Variants in PCDHGB3 observed in about 807,000 individuals in gnomAD.
PCDHGB3 encodes protocadherin gamma subfamily B, 3.
In PCDHGB3, 40 loss-of-function variants were observed where a neutral mutation model predicts 59.2. That is an observed-to-expected ratio of 0.68 (90% CI 0.52 to 0.88). The LOEUF (loss-of-function observed/expected upper bound fraction) is 0.88. PCDHGB3 is among the 40% of genes least tolerant of loss of function. The probability of loss-of-function intolerance (pLI) is 0.00; values close to 1 mark genes in which losing one functional copy is unlikely to be tolerated. For missense variants in PCDHGB3, 1,309 were observed against 1,187.9 expected, an observed-to-expected ratio of 1.10 and a Z score of -1.50; for synonymous variants, 581 against 503.6, an observed-to-expected ratio of 1.15 and a Z score of -2.06.
intron 1 of PCDHGB3, chr5:141,383,844 T>C (rs569088165): frequency 2.5e-6 from 4 of 1,613,924 alleles, no homozygotes; most frequent in Non-Finnish European, 3.4e-6. Context: ...CTGCCTTCTA[T>C]GAAATGGAGG....
chr5:141,451,806 A>G (rs145650418), intron 1 of PCDHGB3, among the ~76,000 whole-genome samples: 6,855 of 150,824 alleles, frequency 0.045, 259 homozygotes, highest in African/African-American at 0.1. Context: ...GCTTGAACCC[A>G]GGAGGCGGAG....
intron 1 of PCDHGB3, chr5:141,403,959 C>T (rs1415465011): frequency 2.5e-6 from 4 of 1,613,568 alleles, no homozygotes; most frequent in Non-Finnish European, 3.4e-6. Context: ...GTGCTCATTT[C>T]GGTGGAAGAT....
At chr5:141,456,306 G>C (rs937409031) in intron 1 of PCDHGB3, among the ~76,000 whole-genome samples, 1 of 152,158 alleles carries the variant, frequency 6.6e-6, no homozygotes, top group Non-Finnish European at 1.5e-5. Context: ...GAGAACAGCA[G>C]CTAGGGCTCC....
chr5:141,393,300 G>T (rs1357517904), intron 1 of PCDHGB3: 2 of 1,613,882 alleles, frequency 1.2e-6, no homozygotes, highest in Non-Finnish European at 1.7e-6. Context: ...CCCGGATGTG[G>T]GCGTGAACTC....
intron 1 of PCDHGB3, chr5:141,427,474 A>G (rs373512099): frequency 3.7e-5 from 19 of 520,294 alleles, no homozygotes; most frequent in African/African-American, 1.5e-4. Context: ...TCTTCCGCCA[A>G]TAATGACTAT....
intron 1 of PCDHGB3, among the ~76,000 whole-genome samples, chr5:141,456,911 C>T (rs1262649726): frequency 2.0e-5 from 3 of 151,928 alleles, no homozygotes; most frequent in Non-Finnish European, 4.4e-5. Flanking sequence ...TGCAGTGAGC[C>T]GAGATCGCAC....
intron 2 of PCDHGB3, among the ~76,000 whole-genome samples, chr5:141,496,775 GCAGGGCC>G (rs1025427712): frequency 6.6e-6 from 1 of 152,038 alleles, no homozygotes; most frequent in Non-Finnish European, 1.5e-5. Flanking sequence ...TCTACTATGA[GCAGGGCC>G]CTGTGCTAAA....
At chr5:141,496,844 T>G (rs1275272674) in intron 2 of PCDHGB3, among the ~76,000 whole-genome samples, 2 of 150,852 alleles carry the variant, frequency 1.3e-5, no homozygotes, top group Non-Finnish European at 2.9e-5. Context: ...CTCATAGGCT[T>G]CCAGACCAGC....
intron 1 of PCDHGB3, among the ~76,000 whole-genome samples, chr5:141,467,332 C>T (rs985838492): frequency 6.6e-6 from 1 of 152,124 alleles, no homozygotes; most frequent in Non-Finnish European, 1.5e-5. Context: ...GGATTAGAGA[C>T]GTAAGCCACT....
intron 1 of PCDHGB3, among the ~76,000 whole-genome samples, chr5:141,473,698 T>A (rs2099327181): frequency 6.6e-6 from 1 of 152,166 alleles, no homozygotes; most frequent in Non-Finnish European, 1.5e-5. Context: ...CTGACCACCC[T>A]CCAAGTGGTG....
intron 1 of PCDHGB3, among the ~76,000 whole-genome samples, chr5:141,452,815 A>G (rs1199990390): frequency 6.6e-6 from 1 of 152,186 alleles, no homozygotes; most frequent in Admixed American, 6.5e-5. Flanking sequence ...TTTGTTCATA[A>G]GAAGCAAAAT....
At chr5:141,433,693 C>T (rs772152724) in intron 1 of PCDHGB3, among the ~76,000 whole-genome samples, 2 of 151,986 alleles carry the variant, frequency 1.3e-5, no homozygotes, top group Admixed American at 6.6e-5. Flanking sequence ...CAAAATTAGC[C>T]GGGCGTGGTG....
chr5:141,389,211 G>A, intron 1 of PCDHGB3: 2 of 1,614,058 alleles, frequency 1.2e-6, no homozygotes, highest in South Asian at 2.2e-5. Flanking sequence ...CATTGGTGAT[G>A]TAAATGACAA....
chr5:141,421,125 C>G, intron 1 of PCDHGB3: 1 of 804,210 alleles, frequency 1.2e-6, no homozygotes, highest in Admixed American at 3.0e-5. Flanking sequence ...CCTTCGCTTT[C>G]TGATATATTT....
At chr5:141,458,080 C>T (rs62379190) in intron 1 of PCDHGB3, among the ~76,000 whole-genome samples, 5,138 of 152,230 alleles carry the variant, frequency 0.034, 100 homozygotes, top group Middle Eastern at 0.088. Flanking sequence ...ACTATATTGC[C>T]GTAAGTTAAG....
At position 141,372,718 on chromosome 5, in the gene PCDHGB3, C is replaced by G; in HGVS notation, c.2324C>G (p.Ala775Gly). The G allele has an allele frequency of 6.2e-7, 1 of 1,613,818 alleles. No individual in the cohort carries two copies. The highest frequency in any genetic ancestry group is 2.2e-5 in the East Asian group (1 of 44,892). Reference protein sequence around the residue: ...FKFLNIKAENAAPQDLLCDEA... With the variant: ...FKFLNIKAENGAPQDLLCDEA... ...TTTCTCAATATAAAGGCTGAAAATG[C>G]TGCACCACAAGATCTTCTATGTGAT... Residue 775 changes from alanine (A) to glycine (G), a missense_variant, in exon 1 of 4, where the codon GCT (alanine) becomes GGT (glycine). Coordinates refer to ENST00000576222, the MANE Select transcript of PCDHGB3 (RefSeq NM_018924.5).
At chr5:141,392,005 T>A (rs1323895692) in intron 1 of PCDHGB3, 1 of 152,198 alleles carries the variant, frequency 6.6e-6, no homozygotes, top group African/African-American at 2.4e-5. Context: ...AAAACTGCAA[T>A]GGTAAAAGCA....
chr5:141,396,908 C>CA (rs1453541436), intron 1 of PCDHGB3, among the ~76,000 whole-genome samples: 1 of 152,146 alleles, frequency 6.6e-6, no homozygotes, highest in African/African-American at 2.4e-5. Flanking sequence ...TGGCACTTTG[C>CA]AATTTTAAAA....
intron 1 of PCDHGB3, among the ~76,000 whole-genome samples, chr5:141,488,238 C>T (rs374846692): frequency 5.3e-5 from 8 of 152,036 alleles, no homozygotes; most frequent in Non-Finnish European, 1.0e-4. Flanking sequence ...GAACTAGATG[C>T]GGTAAATTGG....
Sources: allele counts gnomAD v4.1 joint callset (sites outside exome capture counted in the v4.1 genomes callset), GRCh38; gene constraint gnomAD v4.1.1; transcripts MANE v1.5; gene names NCBI Gene and HGNC (gene_info 2026-07-23, HGNC 2026-07-21).